The following LPIN2 variants were observed in gnomAD, a reference collection of about 807,000 sequenced individuals.
LPIN2 encodes phosphatidate phosphatase LPIN2.
In LPIN2, 55 loss-of-function variants were observed where a neutral mutation model predicts 111.4. That is an observed-to-expected ratio of 0.49 (90% CI 0.40 to 0.62). The LOEUF (loss-of-function observed/expected upper bound fraction) is 0.62, where lower values mean the gene tolerates loss of function less well. Ranked by LOEUF, LPIN2 falls within the 20% of genes least tolerant of loss-of-function variation. LPIN2 has a pLI of 0.00. For missense variants in LPIN2, 992 were observed against 1,112.1 expected (o/e 0.89, Z 1.54); for synonymous variants, 425 against 414.0 (o/e 1.03, Z -0.32).
At chr18:2,987,320 G>C (rs892975941) in intron 1 of LPIN2, among the ~76,000 whole-genome samples, 2 of 152,148 alleles carry the variant, frequency 1.3e-5, no homozygotes, top group Non-Finnish European at 1.5e-5. Context: ...GCCAGTGCTG[G>C]GTTCCTATAC....
rs371875319 is a variant in LPIN2, at chr18:2,992,770, T to C, written c.-10+20317A>G. ...AGGTCGAGGCGGGCAGATCATGAGG[T>C]CAGGAGATGGAGACCGTCCTGGCTA... On this transcript the variant is annotated intron_variant, in intron 1 of 19. Transcript: ENST00000677752. 1.5e-4 allele frequency among the ~76,000 whole-genome samples: 23 copies of C among 151,774 alleles called. No individual in the cohort carries two copies. The East Asian group carries it at 2.3e-3, about 15-fold the overall frequency.
intron 2 of LPIN2, among the ~76,000 whole-genome samples, chr18:2,957,879 G>A (rs1271293146): frequency 6.6e-6 from 1 of 151,840 alleles, no homozygotes; most frequent in African/African-American, 2.4e-5. Context: ...GACCAGGCGT[G>A]GTGGCTCACA....
At chr18:2,967,303 T>G (rs1403027855) in intron 1 of LPIN2, among the ~76,000 whole-genome samples, 2 of 152,040 alleles carry the variant, frequency 1.3e-5, no homozygotes, top group Non-Finnish European at 2.9e-5. Flanking sequence ...GCAAAAAAAA[T>G]CTGAGGGCTG....
intron 1 of LPIN2, among the ~76,000 whole-genome samples, chr18:3,005,370 G>GAAAAA (rs1438350998): frequency 6.6e-6 from 1 of 150,624 alleles, no homozygotes; most frequent in Non-Finnish European, 1.5e-5. Flanking sequence ...AAAAGAAAAA[G>GAAAAA]AAAAAGAAAA....
rs762157691 is a variant in LPIN2 at position 2,926,739 on chromosome 18, C to T, written c.1777G>A (p.Glu593Lys). 6.2e-7 allele frequency: 1 copy of T among 1,613,328 alleles called. No homozygotes were observed. Among genetic ancestry groups the T allele is most frequent in the Non-Finnish European group, 8.5e-7 (1 of 1,179,994 alleles). Residue 593 changes from glutamate (E) to lysine (K), a missense_variant, in exon 13 of 20, where the codon GAG becomes AAG. Transcript: ENST00000677752. ...GGCACCCACCTGGCACCGGCCGGCT[C>T]CTTGGAGCTGGATGGCAGGTCACTG... ...PASDLPSSSK[E>K]PAGARPAEND... is the part of the protein sequence containing the mutation.
chr18:2,982,882 T>A, intron 1 of LPIN2: 1 of 360,814 alleles, frequency 2.8e-6, no homozygotes, highest in Non-Finnish European at 5.5e-6. Flanking sequence ...GTTATATGGC[T>A]AAAACTGAAA....
At chr18:2,962,174 C>T (rs955994122) in intron 1 of LPIN2, among the ~76,000 whole-genome samples, 6 of 152,152 alleles carry the variant, frequency 3.9e-5, no homozygotes, top group Non-Finnish European at 5.9e-5. Flanking sequence ...TGTTCCTACA[C>T]GCGGATGAAT....
rs549994475 is a variant in LPIN2, at chr18:2,970,619, T to G, written c.-9-9770A>C. ...TCAGACAGGCTAGATCCTGACTGGA[T>G]AAAGCCACCTGGAGCCCTAAAACAC... is the stretch of plus-strand genomic sequence containing the variant. On this transcript the variant is annotated intron_variant, in intron 1 of 19. Transcript: ENST00000677752. Among the ~76,000 whole-genome samples the G allele has an allele frequency of 1.6e-3, 237 of 152,332 alleles. 1 individual carries two copies. Among genetic ancestry groups the G allele is most frequent in the Non-Finnish European group, 2.7e-3 (185 of 68,028 alleles).
At chr18:2,966,750 C>A (rs2077809293) in intron 1 of LPIN2, among the ~76,000 whole-genome samples, 1 of 152,200 alleles carries the variant, frequency 6.6e-6, no homozygotes, top group Admixed American at 6.5e-5. Flanking sequence ...AGTCTCCTCA[C>A]ACCACTACTA....
intron 1 of LPIN2, among the ~76,000 whole-genome samples, chr18:3,005,653 G>A (rs1002434340): frequency 6.8e-6 from 1 of 146,314 alleles, no homozygotes; most frequent in Non-Finnish European, 1.5e-5. Flanking sequence ...CTCCAGCCTG[G>A]ACAACAGAGC....
intron 7 of LPIN2, among the ~76,000 whole-genome samples, chr18:2,935,745 A>G (rs545642542): frequency 5.3e-5 from 8 of 152,256 alleles, no homozygotes; most frequent in Non-Finnish European, 1.2e-4. Context: ...CATGCCTGCA[A>G]TTTGTTTTCA....
At chr18:3,006,836 CAAAA>C (rs1164488272) in intron 1 of LPIN2, among the ~76,000 whole-genome samples, 1 of 128,418 alleles carries the variant, frequency 7.8e-6, no homozygotes, top group East Asian at 2.3e-4. Flanking sequence ...GACTCTGTCT[CAAAA>C]AAAAAAAAAA....
intron 1 of LPIN2, among the ~76,000 whole-genome samples, chr18:2,971,916 G>C (rs2077922353): frequency 6.6e-6 from 1 of 151,910 alleles, no homozygotes; most frequent in Non-Finnish European, 1.5e-5. Context: ...GCATGGTGGT[G>C]GGCACCTGTA....
At chr18:2,956,181 G>A (rs552202375) in intron 2 of LPIN2, among the ~76,000 whole-genome samples, 420 of 152,186 alleles carry the variant, frequency 2.8e-3, no homozygotes, top group Non-Finnish European at 5.1e-3. Flanking sequence ...ATATACTGAC[G>A]ATAATCAGAA....
intron 7 of LPIN2, among the ~76,000 whole-genome samples, chr18:2,934,912 T>C (rs2077264857): frequency 6.6e-6 from 1 of 152,182 alleles, no homozygotes; most frequent in South Asian, 2.1e-4. Flanking sequence ...GGACAAAAAA[T>C]ACTTCACAAT....
rs373929015 is a variant in LPIN2 at position 2,926,733 on chromosome 18, C to G, written c.1783G>C (p.Ala595Pro). Reference sequence around the variant, plus strand: ...GGACAGGGCACCCACCTGGCACCGGCCGGCTCCTTGGAGCTGGATGGCAGG... The same window carrying G: ...GGACAGGGCACCCACCTGGCACCGGGCGGCTCCTTGGAGCTGGATGGCAGG... ...SDLPSSSKEP[A>P]GARPAENDSS... The change falls in exon 13 of 20, where the codon GCC becomes CCC. Residue 595 changes from alanine (A) to proline (P), a missense_variant. By Grantham distance (27) the Ala-to-Pro change is conservative. Transcript: ENST00000677752. 108 of 1,612,768 alleles carry G rather than the reference C, an allele frequency of 6.7e-5. No homozygotes were observed. Among genetic ancestry groups the G allele is most frequent in the Non-Finnish European group, 8.9e-5 (105 of 1,179,968 alleles).
rs188558211 is a variant in LPIN2 at position 2,983,601 on chromosome 18, G to A, written c.-9-22752C>T. Reference sequence around the variant, plus strand: ...TTCATCACAAACAGCCATTAGCCACGTGTGGCTACTGAGCAATGGCAATCA... The same window carrying A: ...TTCATCACAAACAGCCATTAGCCACATGTGGCTACTGAGCAATGGCAATCA... On this transcript the variant is annotated intron_variant, in intron 1 of 19. Transcript: ENST00000677752. Among the ~76,000 whole-genome samples the A allele has an allele frequency of 2.9e-3, 434 of 152,196 alleles. 3 individuals are homozygous for A. The highest frequency in any genetic ancestry group is 4.9e-3 in the Non-Finnish European group (331 of 68,012).
intron 1 of LPIN2, among the ~76,000 whole-genome samples, chr18:3,012,570 CGGCGGGGAAGAAA>C (rs1214932821): frequency 6.6e-6 from 1 of 152,180 alleles, no homozygotes; most frequent in African/African-American, 2.4e-5. Context: ...GGGCAAAGCG[CGGCGGGGAAGAAA>C]CACCAGCAAC....
chr18:2,936,034 C>T (rs1025494854), intron 7 of LPIN2, among the ~76,000 whole-genome samples: 1 of 152,178 alleles, frequency 6.6e-6, no homozygotes, highest in African/African-American at 2.4e-5. Context: ...TGGCTACAGG[C>T]CTTTGGTGGA....
Sources: gnomAD v4.1 joint callset for allele counts (sites outside exome capture counted in the v4.1 genomes callset) on GRCh38, gnomAD v4.1.1 for gene constraint, MANE v1.5 for transcripts, NCBI Gene and HGNC (gene_info 2026-07-23, HGNC 2026-07-21) for gene names.